The following DPH6 variants were observed in gnomAD, a reference collection of about 807,000 sequenced individuals.
DPH6 encodes the protein diphthamine biosynthesis 6, also known as diphthine--ammonia ligase.
Under a neutral mutation model 38.2 loss-of-function variants are expected in DPH6, and 33 were observed. The ratio of observed to expected loss-of-function variants is 0.86; its 90% CI spans 0.65 to 1.15. The LOEUF (loss-of-function observed/expected upper bound fraction) is 1.15, where lower values mean the gene tolerates loss of function less well. Among genes scored for constraint, DPH6 ranks in the 50% most tolerant of loss-of-function variants. The pLI, the probability that DPH6 is intolerant of heterozygous loss-of-function variation, is 0.00. For missense variants in DPH6, 325 were observed against 320.0 expected, an observed-to-expected ratio of 1.02 and a Z score of -0.12; for synonymous variants, 108 against 103.0, an observed-to-expected ratio of 1.05 and a Z score of -0.30.
chr15:35,395,531 T>A (rs2053119954), intron 6 of DPH6, among the ~76,000 whole-genome samples: 1 of 152,284 alleles, frequency 6.6e-6, no homozygotes, highest in Middle Eastern at 3.4e-3. Context: ...CAGCTCTTAG[T>A]TTCATTTAGA....
At chr15:35,520,485 C>G in intron 3 of DPH6, 1 of 984,236 alleles carries the variant, frequency 1.0e-6, no homozygotes, top group Non-Finnish European at 1.2e-6. Flanking sequence ...CACATAATTC[C>G]TGTTACAATT....
At chr15:35,315,420 A>T (rs1033393165) in intron 3 of DPH6, among the ~76,000 whole-genome samples, 3 of 152,194 alleles carry the variant, frequency 2.0e-5, no homozygotes, top group African/African-American at 7.2e-5. Context: ...ATTAATAAAG[A>T]TGTGTTTGAG....
At chr15:35,497,384 T>C (rs569500837) in intron 3 of DPH6, among the ~76,000 whole-genome samples, 14 of 152,342 alleles carry the variant, frequency 9.2e-5, no homozygotes, top group Admixed American at 8.5e-4. Context: ...TTACCCATTC[T>C]GGAAACTAGC....
In DPH6 at chr15:35,321,734, G is replaced by C. The variant is rs137871027; in HGVS notation, n.200+51787C>G. On this transcript the variant is annotated intron_variant and non_coding_transcript_variant, in intron 3 of 3. Coordinates refer to the DPH6 transcript ENST00000560386. The stretch of plus-strand genomic sequence containing the variant: ...CTCCTAATATTATTTCATTCATCTA[G>C]AGGTGACTCTGAATAGACATGTTTC... 6.7e-3 allele frequency among the ~76,000 whole-genome samples: 1,017 copies of C among 152,246 alleles called. 6 individuals are homozygous for C. Among genetic ancestry groups the C allele is most frequent in the Middle Eastern group, 0.027 (8 of 294 alleles).
intron 3 of DPH6, among the ~76,000 whole-genome samples, chr15:35,337,553 T>C (rs947201662): frequency 6.6e-6 from 1 of 151,662 alleles, no homozygotes; most frequent in African/African-American, 2.4e-5. Flanking sequence ...AATGGAAGAA[T>C]ATTCCATGCT....
the DPH6 span, among the ~76,000 whole-genome samples, chr15:35,153,534 T>C: frequency 6.6e-6 from 1 of 152,166 alleles, no homozygotes; most frequent in Non-Finnish European, 1.5e-5. Flanking sequence ...CTACATTGTT[T>C]GTATAATTAG....
intron 3 of DPH6, among the ~76,000 whole-genome samples, chr15:35,361,281 G>A (rs894677253): frequency 4.6e-5 from 7 of 152,248 alleles, no homozygotes; most frequent in African/African-American, 9.6e-5. Flanking sequence ...GGGCATTTTC[G>A]TCTGTGAATG....
chr15:35,149,923 G>T, the DPH6 span, among the ~76,000 whole-genome samples: 1 of 152,200 alleles, frequency 6.6e-6, no homozygotes, highest in African/African-American at 2.4e-5. Context: ...CTGCCAGTGA[G>T]TGGACAGTGA....
chr15:35,455,732 T>C (rs1172992951), intron 3 of DPH6, among the ~76,000 whole-genome samples: 4 of 152,078 alleles, frequency 2.6e-5, no homozygotes, highest in Admixed American at 2.6e-4. Context: ...TAGGGGGTGA[T>C]TACTAATAAC....
chr15:35,480,585 A>T (rs1279924905), intron 3 of DPH6, among the ~76,000 whole-genome samples: 1 of 152,068 alleles, frequency 6.6e-6, no homozygotes, highest in African/African-American at 2.4e-5. Context: ...TAACATTTTT[A>T]TCCATGAATA....
intron 3 of DPH6, chr15:35,237,331 G>C (rs1162778910): frequency 6.3e-7 from 1 of 1,591,054 alleles, no homozygotes; most frequent in Non-Finnish European, 8.6e-7. Context: ...GAGAGATGAA[G>C]ATGGGCAGAC....
At chr15:35,235,506 C>T (rs949483336) in intron 3 of DPH6, among the ~76,000 whole-genome samples, 4 of 152,176 alleles carry the variant, frequency 2.6e-5, no homozygotes, top group African/African-American at 9.7e-5. Context: ...CTCTATTCAC[C>T]TCTGAATTTC....
At chr15:35,414,833 C>T (rs2053416000) in intron 5 of DPH6, among the ~76,000 whole-genome samples, 1 of 151,576 alleles carries the variant, frequency 6.6e-6, no homozygotes, top group Admixed American at 6.6e-5. Context: ...TCTAAAATTT[C>T]TAATTGGTTT....
intron 3 of DPH6, among the ~76,000 whole-genome samples, chr15:35,338,269 C>T (rs1460349011): frequency 2.6e-4 from 40 of 151,916 alleles, no homozygotes; most frequent in Non-Finnish European, 4.4e-4. Flanking sequence ...AGAAAATTTT[C>T]GCAACCTACT....
chr15:35,397,906 C>CACACACACACAT lies in DPH6; in HGVS notation c.567+12928_567+12929insATGTGTGTGTGT, dbSNP rs1555398584. ...ACACACACACACACACACACACACA[C>CACACACACACAT]ACACACACAAGATTCTGAGACCTCT... On this transcript the variant is annotated intron_variant, in intron 6 of 8. Coordinates refer to ENST00000256538, the MANE Select transcript of DPH6 (RefSeq NM_080650.4). Among the ~76,000 whole-genome samples, 79 of 147,186 alleles carry CACACACACACAT rather than the reference C, an allele frequency of 5.4e-4. 1 individual carries two copies. Among genetic ancestry groups the CACACACACACAT allele is most frequent in the African/African-American group, 1.5e-3 (59 of 38,712 alleles).
At chr15:35,337,398 G>A (rs1208031597) in intron 3 of DPH6, among the ~76,000 whole-genome samples, 6 of 151,972 alleles carry the variant, frequency 3.9e-5, no homozygotes, top group Admixed American at 1.3e-4. Flanking sequence ...CAGACAAACA[G>A]AGAGCCAAAT....
chr15:35,315,374 G>T (rs1198766639), intron 3 of DPH6, among the ~76,000 whole-genome samples: 1 of 152,094 alleles, frequency 6.6e-6, no homozygotes, highest in Non-Finnish European at 1.5e-5. Context: ...ATTTCTTATT[G>T]GCAAAAATGT....
chr15:35,400,701 C>A, intron 6 of DPH6: 2 of 685,434 alleles, frequency 2.9e-6, no homozygotes, highest in Admixed American at 4.3e-5. Context: ...ATGTCTAAGT[C>A]AGAGTCTCCA....
At chr15:35,257,713 C>T (rs1025434007) in intron 3 of DPH6, among the ~76,000 whole-genome samples, 1 of 151,390 alleles carries the variant, frequency 6.6e-6, no homozygotes, top group East Asian at 1.9e-4. Flanking sequence ...AACTCAGCAG[C>T]AGTTGTTCAA....
Sources: gnomAD v4.1 joint callset for allele counts (sites outside exome capture counted in the v4.1 genomes callset) on GRCh38, gnomAD v4.1.1 for gene constraint, MANE v1.5 for transcripts, NCBI Gene and HGNC (gene_info 2026-07-23, HGNC 2026-07-21) for gene names.